Variants in C6 observed in about 807,000 individuals in gnomAD.
C6 encodes the protein complement component C6.
A neutral mutation model predicts 112.9 loss-of-function variants in C6; 101 were observed. That is an observed-to-expected ratio of 0.89 (90% CI 0.76 to 1.06). The LOEUF (loss-of-function observed/expected upper bound fraction) is 1.06. Ranked by LOEUF, C6 falls within the 50% of genes least tolerant of loss-of-function variation. The pLI, the probability that C6 is intolerant of heterozygous loss-of-function variation, is 0.00. For synonymous variants in C6, 431 were observed against 384.1 expected (o/e 1.12, Z -1.43); for missense variants, 1,202 against 1,104.6 (o/e 1.09, Z -1.25).
chr5:41,188,153 A>T (rs1055722369), intron 5 of C6, among the ~76,000 whole-genome samples: 3 of 152,168 alleles, frequency 2.0e-5, no homozygotes, highest in African/African-American at 7.2e-5. Context: ...ATAGAAAGAC[A>T]TTCCATATTA....
At chr5:41,186,375 T>C (rs1057330902) in intron 5 of C6, 167 bp from the exon 6 acceptor site, 21 of 687,506 alleles carry the variant, frequency 3.1e-5, no homozygotes, top group Non-Finnish European at 5.1e-5. Context: ...TGGTGAGGCA[T>C]GCAAGGAAGC....
intron 17 of C6, among the ~76,000 whole-genome samples, chr5:41,147,733 G>A (rs148188779): frequency 1.1e-3 from 174 of 152,192 alleles, no homozygotes; most frequent in Middle Eastern, 3.4e-3. Context: ...TAACTGTTTG[G>A]GTTCTGTTGT....
At chr5:41,168,896 G>T (rs1748195958) in intron 9 of C6, among the ~76,000 whole-genome samples, 2 of 152,132 alleles carry the variant, frequency 1.3e-5, no homozygotes, top group African/African-American at 4.8e-5. Context: ...GCCTTGTAGA[G>T]AATCTTTTGT....
At chr5:41,222,705 C>T (rs1321945514) in intron 1 of C6, among the ~76,000 whole-genome samples, 1 of 152,140 alleles carries the variant, frequency 6.6e-6, no homozygotes, top group African/African-American at 2.4e-5. Context: ...TTCCCCTGCT[C>T]TTACGAGTCA....
At chr5:41,258,150 T>C (rs748006027) in intron 1 of C6, among the ~76,000 whole-genome samples, 1 of 152,184 alleles carries the variant, frequency 6.6e-6, no homozygotes, top group Non-Finnish European at 1.5e-5. Context: ...CTTGGTATTA[T>C]CTAAATGTTG....
At chr5:41,211,146 C>T (rs1751885564) in intron 1 of C6, among the ~76,000 whole-genome samples, 1 of 151,984 alleles carries the variant, frequency 6.6e-6, no homozygotes, top group African/African-American at 2.4e-5. Flanking sequence ...GACAGAAAAC[C>T]AAACACTGAA....
intron 7 of C6, 30 bp downstream of exon 7, chr5:41,181,329 G>T (rs1432809090): frequency 1.3e-6 from 2 of 1,585,288 alleles, no homozygotes; most frequent in Non-Finnish European, 1.7e-6. Context: ...TTTCAAGAAA[G>T]AATAAAAGGT....
chr5:41,186,170 A>T lies in C6; in HGVS notation c.626T>A (p.Leu209His). ...TATTCCTCCAGTGAAAGAGTTATCA[A>T]GGACTTCTCCTCTGGGCTCTCCTGC... The part of the protein sequence containing the change: ...FLAGEPRGEV[L>H]DNSFTGGICK... The change falls in exon 6 of 18, where the codon CTT becomes CAT. Residue 209 changes from leucine to histidine, a missense_variant. Transcript: ENST00000337836. 6.2e-7 allele frequency: 1 copy of T among 1,613,982 alleles called. No homozygotes were observed. Among genetic ancestry groups the T allele is most frequent in the Non-Finnish European group, 8.5e-7 (1 of 1,179,908 alleles).
At chr5:41,152,593 T>G (rs181331961) in intron 15 of C6, among the ~76,000 whole-genome samples, 1 of 152,228 alleles carries the variant, frequency 6.6e-6, no homozygotes, top group Non-Finnish European at 1.5e-5. Context: ...ATGTAAAAAA[T>G]TCCTAGGTTT....
intron 4 of C6, among the ~76,000 whole-genome samples, chr5:41,198,465 T>A (rs1048419329): frequency 6.6e-6 from 1 of 152,164 alleles, no homozygotes; most frequent in Non-Finnish European, 1.5e-5. Flanking sequence ...TCCTGGATCA[T>A]GAAAAGATCT....
At position 41,260,056 on chromosome 5, in the gene C6, T is replaced by C. The variant is rs144481182; in HGVS notation, c.-21+1138A>G. Among the ~76,000 whole-genome samples, 377 of 152,348 alleles carry C rather than the reference T, an allele frequency of 2.5e-3. 4 individuals are homozygous for C. The highest frequency in any genetic ancestry group is 0.023 in the East Asian group (121 of 5,188). ...TTTTATTCAATTTATCTACTTATTATCCAGTTATGGATAATGATTTCTAGG... is the reference window on the plus strand; with the variant it reads ...TTTTATTCAATTTATCTACTTATTACCCAGTTATGGATAATGATTTCTAGG... On this transcript the variant is annotated intron_variant, in intron 1 of 17. Coordinates refer to the C6 transcript ENST00000263413.
chr5:41,201,850 G>T (rs148940829), intron 2 of C6, 136 bp from the exon 3 acceptor site: 3 of 772,284 alleles, frequency 3.9e-6, no homozygotes, highest in Non-Finnish European at 4.4e-6. Context: ...TAGGCAGGTT[G>T]GCATATATGC....
chr5:41,173,153 G>A (rs1192950476), intron 8 of C6, among the ~76,000 whole-genome samples: 1 of 152,138 alleles, frequency 6.6e-6, no homozygotes, highest in Non-Finnish European at 1.5e-5. Flanking sequence ...TATCTTCCTA[G>A]TTTCTCACTG....
chr5:41,192,316 A>G (rs1327100274), intron 5 of C6, among the ~76,000 whole-genome samples: 5 of 152,132 alleles, frequency 3.3e-5, no homozygotes, highest in Admixed American at 6.6e-5. Flanking sequence ...TTTTTGCATC[A>G]GGGATATTGA....
At chr5:41,200,099 T>C (rs1171114356) in intron 3 of C6, among the ~76,000 whole-genome samples, 187 bp from the exon 4 acceptor site, 1 of 152,222 alleles carries the variant, frequency 6.6e-6, no homozygotes, top group Non-Finnish European at 1.5e-5. Flanking sequence ...TGTGGATCTC[T>C]GTTTCCCAAC....
chr5:41,203,379 G>A (rs1301815713), intron 1 of C6, 129 bp from the exon 2 acceptor site: 2 of 832,794 alleles, frequency 2.4e-6, no homozygotes, highest in African/African-American at 1.7e-5. Flanking sequence ...CTTAAGGCAA[G>A]TCAACACCTA....
chr5:41,181,519 T>G lies in C6; in HGVS notation c.767A>C (p.Lys256Thr), dbSNP rs776254260. 1 of 1,613,718 alleles carries G rather than the reference T, an allele frequency of 6.2e-7. No homozygotes were observed. The highest frequency in any genetic ancestry group is 1.7e-5 in the Admixed American group (1 of 60,008). Residue 256 changes from lysine to threonine, a missense_variant, in exon 7 of 18, where the codon AAG becomes ACG. Transcript: ENST00000337836. Reference protein sequence around the residue: ...AEDDLKTDFYKDLTSLGHNEN... With the variant: ...AEDDLKTDFYTDLTSLGHNEN... Reference sequence around the variant, plus strand: ...ATTGTGTCCAAGAGAAGTTAAATCCTTGTAGAAATCTGTTTTCAAGTCATC... The same window carrying G: ...ATTGTGTCCAAGAGAAGTTAAATCCGTGTAGAAATCTGTTTTCAAGTCATC...
chr5:41,169,403 T>TGACTGAA (rs1198166619), intron 9 of C6, among the ~76,000 whole-genome samples: 2 of 152,074 alleles, frequency 1.3e-5, no homozygotes, highest in African/African-American at 2.4e-5. Context: ...ATCCTGAGTT[T>TGACTGAA]GACTGAAAAT....
chr5:41,255,819 T>C (rs956164864), intron 1 of C6, among the ~76,000 whole-genome samples: 3 of 152,110 alleles, frequency 2.0e-5, no homozygotes, highest in Non-Finnish European at 4.4e-5. Context: ...AATAAGGAGA[T>C]TATATTACTG....
Sources: gnomAD v4.1 joint callset for allele counts (sites outside exome capture counted in the v4.1 genomes callset) on GRCh38, gnomAD v4.1.1 for gene constraint, MANE v1.5 for transcripts, NCBI Gene and HGNC (gene_info 2026-07-23, HGNC 2026-07-21) for gene names.